Variants in TBC1D22B observed in about 807,000 individuals in gnomAD.
TBC1D22B encodes chromosome 6 open reading frame 197.
TBC1D22B carries 32 observed loss-of-function variants against 69.1 expected under a neutral mutation model. The observed-to-expected ratio is 0.46, with a 90% CI of 0.35 to 0.62. The LOEUF (loss-of-function observed/expected upper bound fraction) is 0.62, where lower values mean the gene tolerates loss of function less well. TBC1D22B is among the 20% of genes least tolerant of loss of function. The probability of loss-of-function intolerance (pLI) is 0.00; values close to 1 mark genes in which losing one functional copy is unlikely to be tolerated. For synonymous variants in TBC1D22B, 206 were observed against 229.8 expected, an observed-to-expected ratio of 0.90 and a Z score of 0.94; for missense variants, 462 against 630.9, an observed-to-expected ratio of 0.73 and a Z score of 2.87.
At chr6:37,282,155 C>G in intron 3 of TBC1D22B, 30 bp from the exon 4 acceptor site, 1 of 1,611,536 alleles carries the variant, frequency 6.2e-7, no homozygotes, top group Non-Finnish European at 8.5e-7. Context: ...CTCACACAGC[C>G]CGTTCTCTTT....
intron 1 of TBC1D22B, among the ~76,000 whole-genome samples, chr6:37,262,184 C>T (rs1766127804): frequency 1.3e-5 from 2 of 151,954 alleles, no homozygotes; most frequent in South Asian, 4.2e-4. Flanking sequence ...GCACATGCCA[C>T]CATGCCCAGC....
intron 6 of TBC1D22B, among the ~76,000 whole-genome samples, chr6:37,285,181 A>T (rs6924626): frequency 1.3e-5 from 2 of 151,824 alleles, no homozygotes; most frequent in Non-Finnish European, 2.9e-5. Context: ...TGCTGCTGAC[A>T]CAGTCTTTTG....
chr6:37,289,294 T>G (rs1767104625), intron 7 of TBC1D22B, among the ~76,000 whole-genome samples: 1 of 152,194 alleles, frequency 6.6e-6, no homozygotes, highest in African/African-American at 2.4e-5. Context: ...TTGCCTATAG[T>G]ATGTAAGAAT....
chr6:37,270,569 G>A (rs1364396716), intron 2 of TBC1D22B, among the ~76,000 whole-genome samples: 2 of 152,162 alleles, frequency 1.3e-5, no homozygotes, highest in Non-Finnish European at 2.9e-5. Flanking sequence ...AAGATGTGTG[G>A]CTCTGTATCC....
chr6:37,316,945 C>A, intron 11 of TBC1D22B, 115 bp downstream of exon 11: 1 of 1,558,480 alleles, frequency 6.4e-7, no homozygotes, highest in Non-Finnish European at 8.7e-7. Context: ...TTTCTACTTC[C>A]ATGTCTGCTT....
intron 8 of TBC1D22B, among the ~76,000 whole-genome samples, chr6:37,307,722 G>A (rs72851396): frequency 0.017 from 2,533 of 152,208 alleles, 39 homozygotes; most frequent in Non-Finnish European, 0.025. Flanking sequence ...ACAAGGACCC[G>A]AATCAGGTAA....
At chr6:37,297,163 T>G (rs1220747598) in intron 8 of TBC1D22B, among the ~76,000 whole-genome samples, 1 of 152,190 alleles carries the variant, frequency 6.6e-6, no homozygotes, top group East Asian at 1.9e-4. Context: ...ATAATGCAAT[T>G]ATCACATCTA....
chr6:37,315,816 C>T (rs536010228), intron 10 of TBC1D22B, among the ~76,000 whole-genome samples: 279 of 152,270 alleles, frequency 1.8e-3, no homozygotes, highest in Non-Finnish European at 3.2e-3. Flanking sequence ...GCTCAACACT[C>T]CGCCCACCTC....
At chr6:37,265,080 A>G (rs1488792248) in intron 1 of TBC1D22B, among the ~76,000 whole-genome samples, 1 of 152,198 alleles carries the variant, frequency 6.6e-6, no homozygotes, top group Non-Finnish European at 1.5e-5. Context: ...TTTATTATAC[A>G]AAGTGTTCCA....
At chr6:37,261,067 A>C (rs1242652306) in intron 1 of TBC1D22B, among the ~76,000 whole-genome samples, 1 of 152,176 alleles carries the variant, frequency 6.6e-6, no homozygotes, top group African/African-American at 2.4e-5. Context: ...TCTCTCAGTT[A>C]TTCACATGAG....
At chr6:37,298,538 A>ATTTTTTTTTTTTTT (rs1767459078) in intron 8 of TBC1D22B, among the ~76,000 whole-genome samples, 3 of 112,870 alleles carry the variant, frequency 2.7e-5, no homozygotes, top group African/African-American at 1.1e-4. Context: ...AGTTGCCTAC[A>ATTTTTTTTTTTTTT]GTTTTTTTTT....
chr6:37,325,089 T>G (rs565114643), intron 12 of TBC1D22B, among the ~76,000 whole-genome samples: 5 of 152,326 alleles, frequency 3.3e-5, no homozygotes, highest in African/African-American at 1.2e-4. Flanking sequence ...TGCAGTGGAA[T>G]TTTCCTATAC....
chr6:37,291,917 G>T (rs6920007), intron 8 of TBC1D22B, among the ~76,000 whole-genome samples: 4,845 of 152,240 alleles, frequency 0.032, 241 homozygotes, highest in African/African-American at 0.11. Flanking sequence ...ATGGCAGCAG[G>T]TGGGTTTTCT....
chr6:37,323,230 C>T (rs1768300305), intron 12 of TBC1D22B, among the ~76,000 whole-genome samples: 1 of 152,100 alleles, frequency 6.6e-6, no homozygotes, highest in South Asian at 2.1e-4. Context: ...AAAGTTTCTT[C>T]AAATGCATAA....
At chr6:37,277,603 T>G (rs893772452) in intron 2 of TBC1D22B, among the ~76,000 whole-genome samples, 3 of 151,656 alleles carry the variant, frequency 2.0e-5, no homozygotes, top group African/African-American at 7.3e-5. Flanking sequence ...GTAGCTGGGA[T>G]TATAGGCATG....
At chr6:37,307,004 C>T (rs1405332992) in intron 8 of TBC1D22B, among the ~76,000 whole-genome samples, 1 of 152,222 alleles carries the variant, frequency 6.6e-6, no homozygotes, top group African/African-American at 2.4e-5. Context: ...CCAGCTCCCC[C>T]TGTCTTTGTC....
chr6:37,317,310 T>G, intron 12 of TBC1D22B, 104 bp downstream of exon 12: 2 of 1,180,250 alleles, frequency 1.7e-6, no homozygotes, highest in Non-Finnish European at 2.4e-6. Flanking sequence ...GGTACCTGGC[T>G]GGGAGTAGGA....
At chr6:37,299,747 C>T (rs1161698717) in intron 8 of TBC1D22B, among the ~76,000 whole-genome samples, 2 of 151,878 alleles carry the variant, frequency 1.3e-5, no homozygotes, top group Non-Finnish European at 2.9e-5. Context: ...TGGTGGCTCA[C>T]ATCTGTAATC....
At chr6:37,268,820 G>A (rs1644997086) in intron 1 of TBC1D22B, among the ~76,000 whole-genome samples, 1 of 152,044 alleles carries the variant, frequency 6.6e-6, no homozygotes, top group African/African-American at 2.4e-5. Flanking sequence ...TTACTTATTT[G>A]TTCAACATGA....
Sources: gnomAD v4.1 joint callset for allele counts (sites outside exome capture counted in the v4.1 genomes callset) on GRCh38, gnomAD v4.1.1 for gene constraint, MANE v1.5 for transcripts, NCBI Gene and HGNC (gene_info 2026-07-23, HGNC 2026-07-21) for gene names.